Variants in ZNF583 observed in about 807,000 individuals in gnomAD.
ZNF583 encodes the protein zinc finger protein L3-5.
ZNF583 carries 30 observed loss-of-function variants against 55.3 expected under a neutral mutation model. That is an observed-to-expected ratio of 0.54 (90% confidence interval 0.41 to 0.74). The LOEUF is 0.74. Among genes scored for constraint, ZNF583 ranks in the 30% least tolerant of loss-of-function variants. The pLI is 0.00. For synonymous variants in ZNF583, 208 were observed against 220.0 expected (o/e 0.95, Z 0.48); for missense variants, 504 against 664.7 (o/e 0.76, Z 2.66).
chr19:56,423,003 T>C lies in ZNF583; in HGVS notation c.345T>C (p.Tyr115=). 6.2e-7 allele frequency: 1 copy of C among 1,613,992 alleles called. No individual in the cohort carries two copies. The highest frequency in any genetic ancestry group is 8.5e-7 in the Non-Finnish European group (1 of 1,179,924). ...GACATCTTAGTTATAGCCTTGACTA[T>C]CCCAGTTTGAGAGAAGACTGTCAAA... is the stretch of plus-strand genomic sequence containing the variant. The part of the protein sequence containing the change: ...GARHLSYSLD[Y]PSLREDCQSE... The change falls in exon 5 of 5, where the codon TAT becomes TAC. Residue 115 remains tyrosine, a synonymous_variant. Coordinates refer to ENST00000333201, the MANE Select transcript of ZNF583 (RefSeq NM_152478.3).
intron 2 of ZNF583, among the ~76,000 whole-genome samples, chr19:56,410,579 GTA>G (rs1247378093): frequency 6.6e-6 from 1 of 152,088 alleles, no homozygotes; most frequent in Non-Finnish European, 1.5e-5. Context: ...GTGGGCCCCT[GTA>G]ATCCCAGCTA....
At position 56,423,687 on chromosome 19, in the gene ZNF583, G is replaced by T; in HGVS notation, c.1029G>T (p.Gln343His). Residue 343 changes from glutamine (Q) to histidine (H), a missense_variant, in exon 5 of 5, where the codon CAG becomes CAT. By Grantham distance (24) the Gln-to-His change is conservative. This residue lies in a region of ZNF583 where 237 missense variants were observed against 373.0 expected (regional missense o/e 0.64). Transcript: ENST00000333201. ...ATGGTTCATTTCTTGCTCAGCATCA[G>T]AGAATTCATACAGGAGAGAAACCTT... ...FSNGSFLAQH[Q>H]RIHTGEKPYV... 1 of 1,614,070 alleles carries T rather than the reference G, an allele frequency of 6.2e-7. No individual in the cohort carries two copies. Among genetic ancestry groups the T allele is most frequent in the Non-Finnish European group, 8.5e-7 (1 of 1,180,002 alleles).
At chr19:56,418,799 G>A (rs114609278) in intron 4 of ZNF583, among the ~76,000 whole-genome samples, 20 of 152,204 alleles carry the variant, frequency 1.3e-4, no homozygotes, top group African/African-American at 4.8e-4. Flanking sequence ...GTAATTGAAG[G>A]GGTAAGAGGA....
At chr19:56,414,905 C>T (rs28675306) in intron 4 of ZNF583, 2,339 of 150,996 alleles carry the variant, frequency 0.015, 62 homozygotes, top group African/African-American at 0.053. Context: ...TGGTGGCACG[C>T]GCCTGTAATC....
chr19:56,418,944 T>A (rs1322385389), intron 4 of ZNF583, among the ~76,000 whole-genome samples: 1 of 152,190 alleles, frequency 6.6e-6, no homozygotes, highest in Non-Finnish European at 1.5e-5. Flanking sequence ...GGTTTGCTGA[T>A]AATTTTTATA....
Position 56,423,742 on chromosome 19 carries a change from A to G in ZNF583, c.1084A>G (p.Ser362Gly). 1.2e-6 allele frequency: 2 copies of G among 1,613,916 alleles called. No homozygotes were observed. The highest frequency in any genetic ancestry group is 1.7e-6 in the Non-Finnish European group (2 of 1,179,970). Residue 362 changes from serine (S) to glycine (G), a missense_variant, in exon 5 of 5, where the codon AGC becomes GGC. Physicochemically the swap from Ser to Gly is moderately conservative, Grantham distance 56. Coordinates refer to ENST00000333201, the MANE Select transcript of ZNF583 (RefSeq NM_152478.3). ...GTGTAATGTGTGTGGGAAAGCCTTT[A>G]GCCATCGTGGATACCTAATTGTACA... The part of the protein sequence containing the change: ...YVCNVCGKAF[S>G]HRGYLIVHQR...
chr19:56,423,576 C>T lies in ZNF583; in HGVS notation c.918C>T (p.Ser306=). ...GTAAAGAATGTAAAAAAGCCTTCAG[C>T]CAGATTGCACACCTGACTCAGCATC... ...YQCKECKKAF[S]QIAHLTQHQR... The change falls in exon 5 of 5, where the codon AGC becomes AGT. Residue 306 remains serine, a synonymous_variant. Transcript: ENST00000333201. 1.2e-6 allele frequency: 2 copies of T among 1,613,718 alleles called. No homozygotes were observed. The highest frequency in any genetic ancestry group is 1.7e-6 in the Non-Finnish European group (2 of 1,179,954).
At chr19:56,419,607 T>TA (rs1395142639) in intron 4 of ZNF583, among the ~76,000 whole-genome samples, 2 of 152,234 alleles carry the variant, frequency 1.3e-5, no homozygotes, top group African/African-American at 4.8e-5. Flanking sequence ...ACAGTTTGAA[T>TA]AAAATGGTAT....
intron 2 of ZNF583, among the ~76,000 whole-genome samples, chr19:56,410,190 T>G (rs1340441182): frequency 1.3e-5 from 2 of 152,194 alleles, no homozygotes; most frequent in Admixed American, 6.5e-5. Context: ...TTCGAGTATG[T>G]CTTCGAGTGC....
Position 56,427,278 on chromosome 19 carries a change from C to G in ZNF583, c.*2910C>G, listed in dbSNP as rs1368931478. ...TGGGATCCTTATTTCACACCATTAA[C>G]AAGTATAAGTTCTAACTGAATAAAA... On this transcript the variant is annotated 3_prime_UTR_variant, in exon 5 of 5. Transcript: ENST00000333201. 6.6e-6 allele frequency: 1 copy of G among 152,166 alleles called. No individual in the cohort carries two copies. The highest frequency in any genetic ancestry group is 1.9e-4 in the East Asian group (1 of 5,182). 9.4% of individuals were successfully genotyped at this position (152,166 alleles called of 1,614,324 possible). A position where few individuals can be genotyped will look rare whatever the true frequency, so the allele number is the denominator to read the frequency against.
At chr19:56,405,099 T>C (rs943372100) in intron 1 of ZNF583, among the ~76,000 whole-genome samples, 2 of 152,140 alleles carry the variant, frequency 1.3e-5, no homozygotes, top group Non-Finnish European at 2.9e-5. Context: ...GCTGTTGATA[T>C]GGGACCACAT....
Position 56,423,063 on chromosome 19 carries a change from A to G in ZNF583, c.405A>G (p.Gln135=), listed in dbSNP as rs867398908. Reference sequence around the variant, plus strand: ...GGTATAAGAACCAGCTGGGAAGTCAAGAGGTACATCTTAGTCAATTAATCA... The same window carrying G: ...GGTATAAGAACCAGCTGGGAAGTCAGGAGGTACATCTTAGTCAATTAATCA... The part of the protein sequence containing the change: ...EDWYKNQLGS[Q]EVHLSQLIIT... Residue 135 remains glutamine (Q), a synonymous_variant, in exon 5 of 5, where the codon CAA becomes CAG. Transcript: ENST00000333201. 1 of 1,613,902 alleles carries G rather than the reference A, an allele frequency of 6.2e-7. No homozygotes were observed. Among genetic ancestry groups the G allele is most frequent in the East Asian group, 2.2e-5 (1 of 44,860 alleles).
At chr19:56,411,753 T>C (rs1489822774) in intron 2 of ZNF583, among the ~76,000 whole-genome samples, 2 of 152,256 alleles carry the variant, frequency 1.3e-5, no homozygotes, top group Middle Eastern at 3.2e-3. Flanking sequence ...TATTAAGAAA[T>C]GTTTCAGAGA....
intron 1 of ZNF583, among the ~76,000 whole-genome samples, chr19:56,406,682 A>G (rs1210308695): frequency 6.6e-6 from 1 of 151,800 alleles, no homozygotes; most frequent in Non-Finnish European, 1.5e-5. Context: ...GCCCGCCACC[A>G]CACCTGGCTA....
chr19:56,421,505 G>T (rs1482907149), intron 4 of ZNF583: 1 of 985,164 alleles, frequency 1.0e-6, no homozygotes, highest in Admixed American at 6.2e-5. Flanking sequence ...CAGCACAGCG[G>T]AATTAGCAGC....
chr19:56,421,259 T>C (rs2042410821), intron 4 of ZNF583, among the ~76,000 whole-genome samples: 1 of 126,552 alleles, frequency 7.9e-6, no homozygotes, highest in Non-Finnish European at 1.7e-5. Context: ...ACGATTATAA[T>C]ATCTATCCTT....
rs1240253432 is a variant in ZNF583, at chr19:56,427,179, G to A, written c.*2811G>A. The A allele has an allele frequency of 6.6e-6, 1 of 152,084 alleles. No homozygotes were observed. The highest frequency in any genetic ancestry group is 2.4e-5 in the African/African-American group (1 of 41,416). 9.4% of individuals were successfully genotyped at this position (152,084 alleles called of 1,614,324 possible). ...TGATGAAAAGCCTCTTGAAGCCTTT[G>A]TATGTGAAAGTTATGTCAGTAGCCC... On this transcript the variant is annotated 3_prime_UTR_variant, in exon 5 of 5. Coordinates refer to ENST00000333201, the MANE Select transcript of ZNF583 (RefSeq NM_152478.3).
intron 1 of ZNF583, among the ~76,000 whole-genome samples, chr19:56,406,816 C>T (rs1038559668): frequency 4.6e-5 from 7 of 152,056 alleles, no homozygotes; most frequent in East Asian, 1.9e-4. Flanking sequence ...CGTGAGCCAC[C>T]GCGCCTGGCC....
intron 3 of ZNF583, 96 bp downstream of exon 3, chr19:56,414,181 T>G: frequency 6.5e-7 from 1 of 1,533,132 alleles, no homozygotes; most frequent in African/African-American, 1.4e-5. Flanking sequence ...AAATTTCCTT[T>G]TCTTGTGCTT....
Sources: allele counts gnomAD v4.1 joint callset (sites outside exome capture counted in the v4.1 genomes callset), GRCh38; gene constraint gnomAD v4.1.1; regional missense constraint gnomAD v4.1.1; transcripts MANE v1.5; gene names NCBI Gene and HGNC (gene_info 2026-07-23, HGNC 2026-07-21).